Variants in HERC1 observed in about 807,000 individuals in gnomAD.
HERC1 encodes probable E3 ubiquitin-protein ligase HERC1.
HERC1 carries 160 observed loss-of-function variants against 554.3 expected under a neutral mutation model. The observed-to-expected ratio is 0.29, with a 90% CI of 0.25 to 0.33. The LOEUF is 0.33. Among genes scored for constraint, HERC1 ranks in the 10% least tolerant of loss-of-function variants. The probability of loss-of-function intolerance (pLI) is 1.00; values close to 1 mark genes in which losing one functional copy is unlikely to be tolerated. For synonymous variants in HERC1, 2,175 were observed against 2,131.7 expected (o/e 1.02, Z -0.56); for missense variants, 4,919 against 5,918.5 (o/e 0.83, Z 5.54).
chr15:63,644,084 C>T (rs892453510), intron 57 of HERC1, among the ~76,000 whole-genome samples: 2 of 152,222 alleles, frequency 1.3e-5, no homozygotes. Context: ...ATCTGTAGTA[C>T]TCCCACCTCC....
chr15:63,832,270 CGTGTGTGT>C (rs150054418), intron 1 of HERC1, among the ~76,000 whole-genome samples: 1 of 150,810 alleles, frequency 6.6e-6, no homozygotes, highest in African/African-American at 2.4e-5. Context: ...GTGCAGAATA[CGTGTGTGT>C]GTGTGTGTGT....
chr15:63,744,607 G>A (rs1166610255), intron 12 of HERC1, among the ~76,000 whole-genome samples: 1 of 152,150 alleles, frequency 6.6e-6, no homozygotes, highest in Non-Finnish European at 1.5e-5. Context: ...AGCTAGAGGA[G>A]CCTCGCCCCA....
chr15:63,618,836 C>T lies in HERC1; in HGVS notation c.13689-2154G>A, dbSNP rs140530517. On this transcript the variant is annotated intron_variant, in intron 74 of 77. Transcript: ENST00000443617. ...TATAAGAATGTTTGTGATTTTTGCA[C>T]ATTGATTTTGTATCCTGATACTTTG... is the stretch of plus-strand genomic sequence containing the variant. Among the ~76,000 whole-genome samples the T allele has an allele frequency of 1.1e-3, 165 of 152,294 alleles. 6 individuals are homozygous for T. In the East Asian group the frequency reaches 0.03, roughly 28 times the overall value.
chr15:63,676,750 C>T (rs1387509870), intron 37 of HERC1, among the ~76,000 whole-genome samples: 5 of 151,856 alleles, frequency 3.3e-5, no homozygotes, highest in Non-Finnish European at 5.9e-5. Flanking sequence ...AGCGAGATTC[C>T]GTCTCAAAAA....
chr15:63,656,106 A>T lies in HERC1; in HGVS notation c.9852T>A (p.Leu3284=), dbSNP rs778477643. ...AGCTTACCTGTGTACACAACTGTACAAGCAGTTTGGCAGCACTAGGAGCAT... is the reference window on the plus strand; with the variant it reads ...AGCTTACCTGTGTACACAACTGTACTAGCAGTTTGGCAGCACTAGGAGCAT... The part of the protein sequence containing the change: ...ASNAPSAAKL[L]VQLCTQNLIS... Residue 3284 remains leucine, a synonymous_variant, in exon 49 of 78, where the codon CTT becomes CTA. Coordinates refer to ENST00000443617, the MANE Select transcript of HERC1 (RefSeq NM_003922.4). 6.8e-6 allele frequency: 11 copies of T among 1,612,958 alleles called. No homozygotes were observed. The highest frequency in any genetic ancestry group is 8.5e-6 in the Non-Finnish European group (10 of 1,179,410).
In HERC1 at chr15:63,723,248, A is replaced by G. The variant is rs762915282; in HGVS notation, c.3676T>C (p.Leu1226=). 2.5e-6 allele frequency: 4 copies of G among 1,600,456 alleles called. No homozygotes were observed. The highest frequency in any genetic ancestry group is 2.6e-6 in the Non-Finnish European group (3 of 1,172,626). ...PEIAVYVDLA[L]GCSKEPARSL... is the part of the protein sequence containing the mutation. ...CGGGCAGGCTCTTTAGAACAACCCA[A>G]TGCCAAGTCTACATAGACAGCAATT... The change falls in exon 19 of 78, where the codon TTG becomes CTG. Residue 1226 remains leucine (L), a synonymous_variant. Transcript: ENST00000443617.
At chr15:63,671,485 C>G (rs1278533945) in intron 39 of HERC1, among the ~76,000 whole-genome samples, 1 of 152,046 alleles carries the variant, frequency 6.6e-6, no homozygotes, top group Non-Finnish European at 1.5e-5. Flanking sequence ...AGAGAGCTAA[C>G]ATGTAGGAGA....
Position 63,749,396 on chromosome 15 carries a change from A to G in HERC1, c.2190T>C (p.Ser730=). Reference sequence around the variant, plus strand: ...CCCTAGGAAGAGCAGTCCATGCCAGACTATGTGATGTTCCAGCCGAAATCT... The same window carrying G: ...CCCTAGGAAGAGCAGTCCATGCCAGGCTATGTGATGTTCCAGCCGAAATCT... ...IQQISAGTSH[S]LAWTALPRDR... The change falls in exon 10 of 78, where the codon AGT becomes AGC. Residue 730 remains serine (S), a synonymous_variant. Coordinates refer to ENST00000443617, the MANE Select transcript of HERC1 (RefSeq NM_003922.4). The surrounding 1 kb of genome is among the most constrained non-coding windows in gnomAD (Gnocchi z 4.1). 6.2e-7 allele frequency: 1 copy of G among 1,613,388 alleles called. No individual in the cohort carries two copies. The highest frequency in any genetic ancestry group is 8.5e-7 in the Non-Finnish European group (1 of 1,179,640).
At chr15:63,711,555 G>T (rs1401553688) in intron 24 of HERC1, among the ~76,000 whole-genome samples, 1 of 152,134 alleles carries the variant, frequency 6.6e-6, no homozygotes, top group East Asian at 1.9e-4. Context: ...CTTAGATGAG[G>T]AATCCTTTAT....
At chr15:63,653,721 T>TA (rs1410460432) in intron 51 of HERC1, among the ~76,000 whole-genome samples, 3 of 152,236 alleles carry the variant, frequency 2.0e-5, no homozygotes, top group African/African-American at 7.2e-5. Flanking sequence ...TGTAAACAGT[T>TA]ATACTGTACT....
intron 1 of HERC1, among the ~76,000 whole-genome samples, chr15:63,786,917 A>C (rs71394525): frequency 7.9e-6 from 1 of 126,978 alleles, no homozygotes; most frequent in African/African-American, 3.2e-5. Context: ...TCAATAAATT[A>C]TTATTTTTTT....
chr15:63,774,949 T>C lies in HERC1; in HGVS notation c.675A>G (p.Val225=), dbSNP rs369466297. Residue 225 remains valine, a synonymous_variant, in exon 2 of 78, where the codon GTA becomes GTG. Transcript: ENST00000443617. ...PPMGLDCLSQ[V]TTFLKGVTIP... The stretch of plus-strand genomic sequence containing the variant: ...TAGTGACTCCTTTAAGAAATGTTGT[T>C]ACTTGCGATAAGCAGTCCAAGCCCA... The C allele has an allele frequency of 3.0e-5, 49 of 1,613,926 alleles. No homozygotes were observed. The highest frequency in any genetic ancestry group is 4.1e-5 in the Non-Finnish European group (48 of 1,179,890).
intron 44 of HERC1, among the ~76,000 whole-genome samples, chr15:63,662,707 T>C (rs2070421629): frequency 6.6e-6 from 1 of 152,220 alleles, no homozygotes. Flanking sequence ...TTTTGTAATT[T>C]ATCTTTGACA....
At chr15:63,725,025 T>C (rs1159731763) in intron 18 of HERC1, among the ~76,000 whole-genome samples, 1 of 152,152 alleles carries the variant, frequency 6.6e-6, no homozygotes, top group African/African-American at 2.4e-5. Flanking sequence ...AGCATTGAGT[T>C]AGATGACTTG....
chr15:63,808,822 T>A (rs1035317617), intron 1 of HERC1, among the ~76,000 whole-genome samples: 1 of 152,158 alleles, frequency 6.6e-6, no homozygotes, highest in Non-Finnish European at 1.5e-5. Context: ...AGGGTCCTTA[T>A]CATATTGTCT....
At chr15:63,772,926 A>G (rs2075995246) in intron 2 of HERC1, among the ~76,000 whole-genome samples, 1 of 152,230 alleles carries the variant, frequency 6.6e-6, no homozygotes, top group African/African-American at 2.4e-5. Flanking sequence ...TTTACCATTT[A>G]GTTCATAAAT....
At chr15:63,790,523 A>G (rs1488810393) in intron 1 of HERC1, among the ~76,000 whole-genome samples, 3 of 152,046 alleles carry the variant, frequency 2.0e-5, no homozygotes, top group Non-Finnish European at 4.4e-5. Context: ...GCTTGCAGTG[A>G]GCCGAGATCG....
chr15:63,787,009 T>C (rs911691996), intron 1 of HERC1, among the ~76,000 whole-genome samples: 1 of 151,232 alleles, frequency 6.6e-6, no homozygotes, highest in African/African-American at 2.4e-5. Flanking sequence ...GCCCAGCTAA[T>C]TTTTGCATTT....
At chr15:63,684,934 A>G (rs7169570) in intron 34 of HERC1, among the ~76,000 whole-genome samples, 123,758 of 151,986 alleles carry the variant, frequency 0.81, 52,262 homozygotes, top group Non-Finnish European at 0.88. Flanking sequence ...GCTTGAACCC[A>G]GGAGGCGGAG....
Sources: gnomAD v4.1 joint callset for allele counts (sites outside exome capture counted in the v4.1 genomes callset) on GRCh38, gnomAD v4.1.1 for gene constraint, Gnocchi (gnomAD v3.1) non-coding constraint, MANE v1.5 for transcripts, NCBI Gene and HGNC (gene_info 2026-07-23, HGNC 2026-07-21) for gene names.